Variants in NRP2 observed in about 807,000 individuals in gnomAD.
The protein encoded by NRP2 is neuropilin 2, also known as neuropilin-2.
In NRP2, 52 loss-of-function variants were observed where a neutral mutation model predicts 110.4. That is an observed-to-expected ratio of 0.47 (90% CI 0.38 to 0.59). NRP2 has a LOEUF of 0.59. Among genes scored for constraint, NRP2 ranks in the 20% least tolerant of loss-of-function variants. The pLI is 0.00. For synonymous variants in NRP2, 508 were observed against 468.9 expected, an observed-to-expected ratio of 1.08 and a Z score of -1.08; for missense variants, 1,049 against 1,203.0, an observed-to-expected ratio of 0.87 and a Z score of 1.89.
At chr2:205,752,802 G>T (rs945315487) in intron 11 of NRP2, 33 bp from the exon 12 acceptor site, 1 of 1,612,992 alleles carries the variant, frequency 6.2e-7, no homozygotes, top group African/African-American at 1.3e-5. Context: ...CATTTCATTT[G>T]CCTTCCTTTG....
At chr2:205,729,217 A>G (rs1186095139) in intron 7 of NRP2, among the ~76,000 whole-genome samples, 1 of 152,236 alleles carries the variant, frequency 6.6e-6, no homozygotes, top group Non-Finnish European at 1.5e-5. Context: ...TTTTTAAAAA[A>G]TCAAAATCAC....
At chr2:205,703,888 C>G (rs1284116059) in intron 2 of NRP2, among the ~76,000 whole-genome samples, 1 of 152,198 alleles carries the variant, frequency 6.6e-6, no homozygotes, top group African/African-American at 2.4e-5. Flanking sequence ...CTTGCTGACA[C>G]AAACCCTTTT....
At chr2:205,744,863 G>C (rs2057508833) in intron 9 of NRP2, among the ~76,000 whole-genome samples, 1 of 152,180 alleles carries the variant, frequency 6.6e-6, no homozygotes, top group South Asian at 2.1e-4. Context: ...TTGGACCGCA[G>C]GCTTCCCCAT....
chr2:205,685,266 C>T (rs1260013846), intron 1 of NRP2, among the ~76,000 whole-genome samples: 2 of 152,340 alleles, frequency 1.3e-5, no homozygotes, highest in East Asian at 3.9e-4. Context: ...GGGGTGGGAT[C>T]TCAGGGTGGG....
At chr2:205,731,408 G>T (rs898988671) in intron 7 of NRP2, among the ~76,000 whole-genome samples, 1 of 152,136 alleles carries the variant, frequency 6.6e-6, no homozygotes, top group Non-Finnish European at 1.5e-5. Context: ...CAAGAAGGGC[G>T]CATGGAGAGC....
intron 7 of NRP2, among the ~76,000 whole-genome samples, chr2:205,729,106 G>T (rs917415462): frequency 2.0e-5 from 3 of 152,226 alleles, no homozygotes; most frequent in African/African-American, 7.2e-5. Context: ...TCACTGCCCC[G>T]AGGCAGCTTG....
intron 7 of NRP2, among the ~76,000 whole-genome samples, chr2:205,732,986 A>G (rs1489246806): frequency 6.6e-6 from 1 of 152,146 alleles, no homozygotes; most frequent in Non-Finnish European, 1.5e-5. Flanking sequence ...TGTAATGGGC[A>G]CCAGCCTTCA....
At chr2:205,784,356 T>C (rs955267577) in intron 15 of NRP2, among the ~76,000 whole-genome samples, 2 of 152,216 alleles carry the variant, frequency 1.3e-5, no homozygotes, top group African/African-American at 4.8e-5. Flanking sequence ...TTTGTCTCTT[T>C]GTGTTTTCTT....
intron 1 of NRP2, among the ~76,000 whole-genome samples, 200 bp downstream of exon 1, chr2:205,683,563 T>C (rs1411447588): frequency 2.0e-4 from 9 of 44,922 alleles, no homozygotes; most frequent in Non-Finnish European, 4.6e-4. Flanking sequence ...GGAGTGTGTG[T>C]GTGTGTGTGT....
intron 1 of NRP2, among the ~76,000 whole-genome samples, chr2:205,691,778 A>G (rs748965396): frequency 6.6e-6 from 1 of 152,264 alleles, no homozygotes; most frequent in Non-Finnish European, 1.5e-5. Context: ...AAGAGAGGAC[A>G]TAAATATAAA....
rs561848887 is a variant in NRP2, at chr2:205,719,342, T to C, written c.433+2968T>C. Among the ~76,000 whole-genome samples the C allele has an allele frequency of 3.3e-5, 5 of 152,308 alleles. No homozygotes were observed. The South Asian group carries it at 1.0e-3, about 32-fold the overall frequency. ...GCATGTGGCTGGCGTGGAAGGTTCA[T>C]GTCTGCCCTAAGTGAAGTGGTGTAT... On this transcript the variant is annotated intron_variant, in intron 3 of 16. Transcript: ENST00000357785.
At chr2:205,705,294 CAGAGT>C (rs897188884) in intron 2 of NRP2, among the ~76,000 whole-genome samples, 4 of 151,950 alleles carry the variant, frequency 2.6e-5, no homozygotes, top group South Asian at 2.1e-4. Context: ...CAGTTGATTG[CAGAGT>C]AGATGGTTGT....
At chr2:205,717,254 C>T (rs1208601710) in intron 3 of NRP2, among the ~76,000 whole-genome samples, 2 of 152,084 alleles carry the variant, frequency 1.3e-5, no homozygotes, top group African/African-American at 4.8e-5. Flanking sequence ...CTCAGAGGCT[C>T]CCCTTCCATC....
Position 205,795,017 on chromosome 2 carries a change from A to C in NRP2, c.2740A>C (p.Lys914Gln). 1.9e-6 allele frequency: 3 copies of C among 1,614,178 alleles called. No individual in the cohort carries two copies. Among genetic ancestry groups the C allele is most frequent in the Non-Finnish European group, 2.5e-6 (3 of 1,180,024 alleles). ...NFELYDGLKH[K>Q]VKMNHQKCCS... ...CGAGCTCTACGATGGCCTTAAGCAC[A>C]AGGTCAAGATGAACCACCAAAAGTG... Residue 914 changes from lysine (K) to glutamine (Q), a missense_variant, in exon 17 of 17, where the codon AAG becomes CAG. Transcript: ENST00000357785.
At position 205,743,410 on chromosome 2, in the gene NRP2, G is replaced by A. The variant is rs1405707522; in HGVS notation, c.1499G>A (p.Gly500Asp). ...CTGGGAACACCCAAGACAGTGAAAG[G>A]TGTCATCATCCAGGGAGCCCGCGGA... The part of the protein sequence containing the change: ...VDLGTPKTVK[G>D]VIIQGARGGD... The change falls in exon 9 of 17, where the codon GGT (glycine) becomes GAT (aspartate). Residue 500 changes from glycine (G) to aspartate (D), a missense_variant. Transcript: ENST00000357785. 3 of 1,614,106 alleles carry A rather than the reference G, an allele frequency of 1.9e-6. No individual in the cohort carries two copies. Among genetic ancestry groups the A allele is most frequent in the Non-Finnish European group, 2.5e-6 (3 of 1,180,044 alleles).
chr2:205,746,974 C>T (rs1575620017), intron 10 of NRP2, among the ~76,000 whole-genome samples: 1 of 152,146 alleles, frequency 6.6e-6, no homozygotes, highest in African/African-American at 2.4e-5. Context: ...ACTTAACTCC[C>T]CATTACCTGG....
At chr2:205,683,487 G>A (rs2056062916) in intron 1 of NRP2, 124 bp downstream of exon 1, 1 of 739,836 alleles carries the variant, frequency 1.4e-6, no homozygotes, top group African/African-American at 1.8e-5. Flanking sequence ...ATAATTTAAA[G>A]AGAGATCCCA....
intron 1 of NRP2, among the ~76,000 whole-genome samples, chr2:205,684,189 G>A (rs1176560703): frequency 2.6e-5 from 4 of 152,260 alleles, no homozygotes; most frequent in Middle Eastern, 3.4e-3. Flanking sequence ...AACAGTCTGG[G>A]GACCGCATTT....
intron 16 of NRP2, among the ~76,000 whole-genome samples, chr2:205,793,099 C>A (rs113599862): frequency 6.6e-6 from 1 of 152,180 alleles, no homozygotes; most frequent in Admixed American, 6.5e-5. Context: ...ACCCAAACAG[C>A]ACCTTGTTAA....
Sources: gnomAD v4.1 joint callset for allele counts (sites outside exome capture counted in the v4.1 genomes callset) on GRCh38, gnomAD v4.1.1 for gene constraint, MANE v1.5 for transcripts, NCBI Gene and HGNC (gene_info 2026-07-23, HGNC 2026-07-21) for gene names.